PATJ: variants seen among roughly 807,000 people sequenced by gnomAD.
PATJ encodes inaD-like protein.
A neutral mutation model predicts 224.9 loss-of-function variants in PATJ; 190 were observed. The ratio of observed to expected loss-of-function variants is 0.84; its 90% CI spans 0.75 to 0.95. PATJ has a LOEUF of 0.95. PATJ is among the 40% of genes least tolerant of loss of function. The probability of loss-of-function intolerance (pLI) is 0.00; values close to 1 mark genes in which losing one functional copy is unlikely to be tolerated. For synonymous variants in PATJ, 769 were observed against 820.3 expected (o/e 0.94, Z 1.07); for missense variants, 2,121 against 2,270.3 (o/e 0.93, Z 1.34).
intron 11 of PATJ, among the ~76,000 whole-genome samples, chr1:61,798,208 T>G (rs114558040): frequency 0.013 from 1,905 of 152,152 alleles, 44 homozygotes; most frequent in African/African-American, 0.043. Flanking sequence ...TGTATTTTAT[T>G]TTTTTTAGAC....
chr1:61,924,266 G>C (rs1226087007), intron 26 of PATJ, among the ~76,000 whole-genome samples: 1 of 152,124 alleles, frequency 6.6e-6, no homozygotes, highest in African/African-American at 2.4e-5. Context: ...TACTTGGGAG[G>C]CTGAGGCAGG....
intron 41 of PATJ, among the ~76,000 whole-genome samples, chr1:62,133,565 T>A (rs1025874614): frequency 1.3e-5 from 2 of 151,934 alleles, no homozygotes; most frequent in Non-Finnish European, 2.9e-5. Context: ...TAGTCGAGAG[T>A]GAGACACCGT....
chr1:62,128,161 G>A (rs777451313), intron 40 of PATJ, 67 bp downstream of exon 40: 93 of 1,588,568 alleles, frequency 5.9e-5, no homozygotes, highest in African/African-American at 9.4e-5. Flanking sequence ...TTGCAGCCCT[G>A]GGCACCTTGT....
intron 26 of PATJ, among the ~76,000 whole-genome samples, chr1:61,920,397 C>T (rs1341797495): frequency 6.6e-6 from 1 of 152,138 alleles, no homozygotes; most frequent in African/African-American, 2.4e-5. Flanking sequence ...TTTCCCTGCA[C>T]AAGCTCTCTC....
At chr1:61,835,531 G>A (rs560620754) in intron 17 of PATJ, among the ~76,000 whole-genome samples, 65 of 152,236 alleles carry the variant, frequency 4.3e-4, no homozygotes, top group Middle Eastern at 3.4e-3. Context: ...AGCCTCTTGA[G>A]TAGCTGGGAC....
chr1:61,814,458 C>T (rs574252544), intron 14 of PATJ, among the ~76,000 whole-genome samples: 9 of 150,782 alleles, frequency 6.0e-5, no homozygotes, highest in African/African-American at 1.5e-4. Flanking sequence ...ATTCTCTTTA[C>T]GTATTTAGTT....
rs1034565978 is a variant in PATJ, at chr1:62,163,405, T to C, written c.*2351T>C. On this transcript the variant is annotated 3_prime_UTR_variant, in exon 44 of 44. Coordinates refer to ENST00000642238, the MANE Select transcript of PATJ (RefSeq NM_001350145.3). Reference sequence around the variant, plus strand: ...AGAAGAAATGAAACCCAAATAAAACTTGAAAATGCACCTTAAAAATATATA... The same window carrying C: ...AGAAGAAATGAAACCCAAATAAAACCTGAAAATGCACCTTAAAAATATATA... The C allele has an allele frequency of 1.3e-5, 2 of 152,614 alleles. No individual in the cohort carries two copies. Among genetic ancestry groups the C allele is most frequent in the Non-Finnish European group, 2.9e-5 (2 of 68,028 alleles). The allele number at this position is 152,614 out of a possible 1,614,324, so 9.5% of individuals were successfully genotyped here. A position where few individuals can be genotyped will look rare whatever the true frequency, so the allele number is the denominator to read the frequency against.
At chr1:61,906,781 T>C (rs1671922024) in intron 24 of PATJ, among the ~76,000 whole-genome samples, 1 of 152,200 alleles carries the variant, frequency 6.6e-6, no homozygotes. Flanking sequence ...CCATGGTATC[T>C]GGTCTCATTA....
chr1:61,839,464 G>T (rs1660735159), intron 17 of PATJ, among the ~76,000 whole-genome samples: 1 of 151,866 alleles, frequency 6.6e-6, no homozygotes. Context: ...TTTGTTGTGG[G>T]TTAATGTTCA....
At position 62,129,705 on chromosome 1, in the gene PATJ, C is replaced by G. The variant is rs914613884; in HGVS notation, c.5271+760C>G. On this transcript the variant is annotated intron_variant, in intron 41 of 43. Coordinates refer to ENST00000642238, the MANE Select transcript of PATJ (RefSeq NM_001350145.3). ...CCTGTAATCCTAGCACTTTGGGAGGCTGAGGTGGGCGGATCACCTGAGGTC... is the reference window on the plus strand; with the variant it reads ...CCTGTAATCCTAGCACTTTGGGAGGGTGAGGTGGGCGGATCACCTGAGGTC... Among the ~76,000 whole-genome samples the G allele has an allele frequency of 2.0e-5, 3 of 152,200 alleles. No individual in the cohort carries two copies. In the East Asian group the frequency reaches 5.8e-4, roughly 29 times the overall value.
At chr1:61,761,706 G>T (rs1326281728) in intron 1 of PATJ, among the ~76,000 whole-genome samples, 4 of 150,180 alleles carry the variant, frequency 2.7e-5, no homozygotes, top group African/African-American at 9.8e-5. Flanking sequence ...TAATTTTTGA[G>T]ACAGGGTCTC....
chr1:61,954,975 A>G (rs1356712695), intron 27 of PATJ, among the ~76,000 whole-genome samples: 1 of 152,014 alleles, frequency 6.6e-6, no homozygotes, highest in African/African-American at 2.4e-5. Flanking sequence ...GGATGGTCTC[A>G]ATCTTCTGAC....
chr1:62,066,487 A>G (rs2148665040), intron 31 of PATJ, among the ~76,000 whole-genome samples: 1 of 152,032 alleles, frequency 6.6e-6, no homozygotes, highest in Middle Eastern at 3.4e-3. Flanking sequence ...GGGCTCAAGC[A>G]GTCTTCCTGC....
intron 33 of PATJ, 129 bp from the exon 34 acceptor site, chr1:62,108,308 G>A (rs953060029): frequency 1.9e-5 from 10 of 523,652 alleles, no homozygotes; most frequent in Non-Finnish European, 3.0e-5. Flanking sequence ...TGTGTATATT[G>A]TTTATCTTTA....
At chr1:62,022,488 G>T (rs1045057607) in intron 29 of PATJ, among the ~76,000 whole-genome samples, 3 of 152,074 alleles carry the variant, frequency 2.0e-5, no homozygotes, top group African/African-American at 7.2e-5. Flanking sequence ...AATTCTGTGG[G>T]TTTTCGTGTT....
intron 27 of PATJ, among the ~76,000 whole-genome samples, chr1:61,955,991 C>T (rs1398613961): frequency 6.6e-6 from 1 of 152,150 alleles, no homozygotes; most frequent in East Asian, 1.9e-4. Flanking sequence ...TTACTGTATT[C>T]CCCAGCAAAC....
At chr1:61,894,690 A>G (rs1670117595) in intron 22 of PATJ, among the ~76,000 whole-genome samples, 1 of 152,208 alleles carries the variant, frequency 6.6e-6, no homozygotes, top group African/African-American at 2.4e-5. Context: ...CTCAGGTAGT[A>G]TCTTTATAGA....
chr1:61,753,091 G>A (rs925588470), intron 1 of PATJ, among the ~76,000 whole-genome samples: 1 of 152,044 alleles, frequency 6.6e-6, no homozygotes, highest in African/African-American at 2.4e-5. Context: ...CACATCCTGA[G>A]CTTTGTACTC....
intron 20 of PATJ, among the ~76,000 whole-genome samples, chr1:61,867,288 T>C (rs1665576063): frequency 6.6e-6 from 1 of 152,230 alleles, no homozygotes; most frequent in Non-Finnish European, 1.5e-5. Context: ...TTTAAAACAA[T>C]AGTCAGTGCT....
Sources: gnomAD v4.1 joint callset for allele counts (sites outside exome capture counted in the v4.1 genomes callset) on GRCh38, gnomAD v4.1.1 for gene constraint, MANE v1.5 for transcripts, NCBI Gene and HGNC (gene_info 2026-07-23, HGNC 2026-07-21) for gene names.